CNTN4: variants seen among roughly 807,000 people sequenced by gnomAD.
The protein encoded by CNTN4 is contactin 4.
CNTN4 carries 77 observed loss-of-function variants against 122.5 expected under a neutral mutation model. The ratio of observed to expected loss-of-function variants is 0.63; its 90% CI spans 0.52 to 0.76. CNTN4 has a LOEUF of 0.76. Ranked by LOEUF, CNTN4 falls within the 30% of genes least tolerant of loss-of-function variation. The probability of loss-of-function intolerance (pLI) is 0.00; values close to 1 mark genes in which losing one functional copy is unlikely to be tolerated. For missense variants in CNTN4, 1,256 were observed against 1,259.1 expected, an observed-to-expected ratio of 1.00 and a Z score of 0.04; for synonymous variants, 512 against 447.0, an observed-to-expected ratio of 1.15 and a Z score of -1.83.
chr3:3,054,582 T>G (rs1473278741), intron 24 of CNTN4, among the ~76,000 whole-genome samples: 1 of 152,202 alleles, frequency 6.6e-6, no homozygotes, highest in East Asian at 1.9e-4. Flanking sequence ...TGTAAGTATC[T>G]TAAGAGCATG....
chr3:2,246,496 C>T (rs2040156765), intron 2 of CNTN4, among the ~76,000 whole-genome samples: 1 of 151,950 alleles, frequency 6.6e-6, no homozygotes, highest in African/African-American at 2.4e-5. Flanking sequence ...TTCATGCTGG[C>T]CCATAGCTGT....
At chr3:2,184,517 A>G (rs1310754426) in intron 2 of CNTN4, among the ~76,000 whole-genome samples, 4 of 152,136 alleles carry the variant, frequency 2.6e-5, no homozygotes, top group Admixed American at 6.5e-5. Context: ...TTACTAGGAC[A>G]TCTATTCCTG....
intron 3 of CNTN4, among the ~76,000 whole-genome samples, chr3:2,506,429 G>A (rs755178433): frequency 1.3e-5 from 2 of 152,198 alleles, no homozygotes; most frequent in Non-Finnish European, 2.9e-5. Flanking sequence ...CAGACAGAAT[G>A]ATGTAGGGGA....
intron 3 of CNTN4, among the ~76,000 whole-genome samples, chr3:2,461,271 T>C (rs1444902196): frequency 2.6e-5 from 4 of 152,318 alleles, no homozygotes; most frequent in Admixed American, 6.5e-5. Context: ...TTAGTAGTTA[T>C]AGAAAAAGCT....
At position 2,455,258 on chromosome 3, in the gene CNTN4, G is replaced by A. The variant is rs556888057; in HGVS notation, c.-89+116025G>A. 2.6e-5 allele frequency among the ~76,000 whole-genome samples: 4 copies of A among 152,244 alleles called. No individual in the cohort carries two copies. The South Asian group carries it at 6.2e-4, about 24-fold the overall frequency. ...CAGTAAGGAAGAATCATCAAGCTGT[G>A]TTTGGCTTAATAATAACCATTATTC... On this transcript the variant is annotated intron_variant, in intron 3 of 24. Transcript: ENST00000418658.
At chr3:2,599,590 C>G (rs113507623) in intron 4 of CNTN4, among the ~76,000 whole-genome samples, 254 of 152,288 alleles carry the variant, frequency 1.7e-3, no homozygotes, top group Non-Finnish European at 2.6e-3. Flanking sequence ...CCCATCTGCT[C>G]AGAGTGTGGC....
At chr3:2,900,560 A>G in intron 10 of CNTN4, 125 bp from the exon 11 acceptor site, 1 of 1,075,514 alleles carries the variant, frequency 9.3e-7, no homozygotes, top group Non-Finnish European at 1.4e-6. Context: ...CAGTCTTGTT[A>G]TTTGCATAAC....
intron 3 of CNTN4, among the ~76,000 whole-genome samples, chr3:2,398,609 T>C (rs555305724): frequency 1.3e-5 from 2 of 152,276 alleles, no homozygotes; most frequent in African/African-American, 4.8e-5. Context: ...GCATGAGATA[T>C]AGGGTAGATT....
At chr3:2,446,072 G>A (rs933131898) in intron 3 of CNTN4, among the ~76,000 whole-genome samples, 2 of 152,140 alleles carry the variant, frequency 1.3e-5, no homozygotes, top group African/African-American at 4.8e-5. Context: ...TTTATTTCCT[G>A]TTCTGATTTT....
intron 2 of CNTN4, among the ~76,000 whole-genome samples, chr3:2,180,298 T>C (rs138489240): frequency 6.6e-6 from 1 of 152,156 alleles, no homozygotes; most frequent in African/African-American, 2.4e-5. Context: ...TATATTTACA[T>C]TTATTATCAA....
At chr3:2,583,663 C>T (rs1282345429) in intron 4 of CNTN4, among the ~76,000 whole-genome samples, 1 of 152,120 alleles carries the variant, frequency 6.6e-6, no homozygotes, top group East Asian at 1.9e-4. Flanking sequence ...AACTCTAGAA[C>T]TTATAATTCC....
intron 6 of CNTN4, among the ~76,000 whole-genome samples, chr3:2,751,816 C>T (rs1394312564): frequency 6.6e-6 from 1 of 152,066 alleles, no homozygotes; most frequent in Non-Finnish European, 1.5e-5. Flanking sequence ...GTACACACCC[C>T]TACACTCATA....
intron 2 of CNTN4, among the ~76,000 whole-genome samples, chr3:2,297,156 A>G (rs1246532477): frequency 6.6e-6 from 1 of 152,194 alleles, no homozygotes; most frequent in African/African-American, 2.4e-5. Flanking sequence ...AATGTCTTTC[A>G]ATCAGTTTAT....
At chr3:2,355,169 C>G (rs1298116574) in intron 3 of CNTN4, among the ~76,000 whole-genome samples, 1 of 152,200 alleles carries the variant, frequency 6.6e-6, no homozygotes, top group African/African-American at 2.4e-5. Flanking sequence ...TTTCTCCTAA[C>G]TTCTGACCTG....
intron 4 of CNTN4, among the ~76,000 whole-genome samples, chr3:2,690,768 C>T (rs1466898009): frequency 6.6e-6 from 1 of 152,194 alleles, no homozygotes; most frequent in Non-Finnish European, 1.5e-5. Flanking sequence ...CATTTCATAA[C>T]ACATGAAAAT....
In CNTN4 at chr3:2,401,711, G is replaced by T. The variant is rs1241745473; in HGVS notation, c.-89+62478G>T. On this transcript the variant is annotated intron_variant, in intron 3 of 24. Transcript: ENST00000418658. The stretch of plus-strand genomic sequence containing the variant: ...GCACATGGTTTGAAGTTTTCATCAG[G>T]GATTCCGAATCTGTTGTTTCTATAG... 5.9e-5 allele frequency among the ~76,000 whole-genome samples: 9 copies of T among 152,024 alleles called. No homozygotes were observed. In the East Asian group the frequency reaches 1.7e-3, roughly 29 times the overall value.
intron 3 of CNTN4, among the ~76,000 whole-genome samples, chr3:2,534,476 T>G (rs1418564864): frequency 6.6e-6 from 1 of 152,158 alleles, no homozygotes; most frequent in Non-Finnish European, 1.5e-5. Flanking sequence ...GTTCCTGTCC[T>G]GGCATTCCTT....
intron 3 of CNTN4, among the ~76,000 whole-genome samples, chr3:2,497,934 G>A (rs1055052375): frequency 6.6e-6 from 1 of 151,876 alleles, no homozygotes; most frequent in Non-Finnish European, 1.5e-5. Flanking sequence ...TTATTTACTT[G>A]CTCACTTCTA....
intron 3 of CNTN4, among the ~76,000 whole-genome samples, chr3:2,358,747 C>G (rs940998739): frequency 6.6e-6 from 1 of 151,982 alleles, no homozygotes; most frequent in East Asian, 1.9e-4. Context: ...TTATTAATGT[C>G]AATTTATTGG....
Sources: allele counts gnomAD v4.1 joint callset (sites outside exome capture counted in the v4.1 genomes callset), GRCh38; gene constraint gnomAD v4.1.1; transcripts MANE v1.5; gene names NCBI Gene and HGNC (gene_info 2026-07-23, HGNC 2026-07-21).